The following R3HDM2 variants were observed in gnomAD, a reference collection of about 807,000 sequenced individuals.
R3HDM2 encodes R3H domain-containing protein 2.
R3HDM2 carries 38 observed loss-of-function variants against 124.5 expected under a neutral mutation model. The ratio of observed to expected loss-of-function variants is 0.31; its 90% confidence interval spans 0.24 to 0.40. The LOEUF (loss-of-function observed/expected upper bound fraction) is 0.40, where lower values mean the gene tolerates loss of function less well. Ranked by LOEUF, R3HDM2 falls within the 10% of genes least tolerant of loss-of-function variation. R3HDM2 has a pLI of 1.00. For synonymous variants in R3HDM2, 391 were observed against 448.0 expected (o/e 0.87, Z 1.61); for missense variants, 869 against 1,236.9 (o/e 0.70, Z 4.46).
At chr12:57,421,964 C>T (rs1235214993) in intron 1 of R3HDM2, among the ~76,000 whole-genome samples, 2 of 151,848 alleles carry the variant, frequency 1.3e-5, no homozygotes, top group African/African-American at 2.4e-5. Context: ...GGTGTGGTGG[C>T]GTGCACCTGT....
intron 1 of R3HDM2, among the ~76,000 whole-genome samples, chr12:57,411,374 G>A (rs745895247): frequency 3.3e-5 from 5 of 152,104 alleles, no homozygotes; most frequent in East Asian, 1.9e-4. Context: ...ATGTTCACCA[G>A]GCTGGTCTCA....
At chr12:57,365,805 A>G (rs1384945076) in intron 2 of R3HDM2, among the ~76,000 whole-genome samples, 1 of 151,886 alleles carries the variant, frequency 6.6e-6, no homozygotes, top group Non-Finnish European at 1.5e-5. Context: ...GCGTGGTGGT[A>G]GGTGCCTGTA....
At chr12:57,419,871 T>C (rs1172378730) in intron 1 of R3HDM2, among the ~76,000 whole-genome samples, 1 of 151,950 alleles carries the variant, frequency 6.6e-6, no homozygotes, top group Non-Finnish European at 1.5e-5. Context: ...TCAGCAGCTA[T>C]CTCTCCCACT....
chr12:57,365,146 C>A (rs2062472873), intron 2 of R3HDM2, among the ~76,000 whole-genome samples: 2 of 150,130 alleles, frequency 1.3e-5, no homozygotes. Context: ...TGCCTGTAAT[C>A]CCAGCTACTA....
At chr12:57,380,916 T>G (rs1005008466) in intron 2 of R3HDM2, among the ~76,000 whole-genome samples, 1 of 152,096 alleles carries the variant, frequency 6.6e-6, no homozygotes, top group Non-Finnish European at 1.5e-5. Context: ...GCTCAAGGAA[T>G]TGGAGAGGTG....
rs114798234 is a variant in R3HDM2, at chr12:57,414,699, G to A, written c.-106+16021C>T. Reference sequence around the variant, plus strand: ...AAAAATACAAAAATTAGCTGGGCATGGCAAGTGCCTTGAATCCCAGCTACT... The same window carrying A: ...AAAAATACAAAAATTAGCTGGGCATAGCAAGTGCCTTGAATCCCAGCTACT... On this transcript the variant is annotated intron_variant, in intron 1 of 23. Transcript: ENST00000402412. 4.8e-3 allele frequency among the ~76,000 whole-genome samples: 728 copies of A among 151,778 alleles called. 3 individuals are homozygous for A. The highest frequency in any genetic ancestry group is 0.016 in the African/African-American group (644 of 41,400).
At chr12:57,325,498 C>T (rs915731577) in intron 2 of R3HDM2, among the ~76,000 whole-genome samples, 1 of 152,160 alleles carries the variant, frequency 6.6e-6, no homozygotes, top group African/African-American at 2.4e-5. Flanking sequence ...AAACCATAGA[C>T]ATAGAAACCT....
At chr12:57,417,806 A>G (rs2069794606) in intron 1 of R3HDM2, among the ~76,000 whole-genome samples, 7 of 152,134 alleles carry the variant, frequency 4.6e-5, no homozygotes, top group South Asian at 4.1e-4. Context: ...CTTCCTCAAA[A>G]TATTACTGGG....
In R3HDM2 at chr12:57,254,467, C is replaced by G; in HGVS notation, c.*306G>C. On this transcript the variant is annotated 3_prime_UTR_variant, in exon 24 of 24. Transcript: ENST00000402412. ...AGTTAGCCAAGATCGTGCTACTGCACTCCAGCTGGGGTGACAAGAGCGAAA... is the reference window on the plus strand; with the variant it reads ...AGTTAGCCAAGATCGTGCTACTGCAGTCCAGCTGGGGTGACAAGAGCGAAA... 3.3e-6 allele frequency: 1 copy of G among 300,624 alleles called. No individual in the cohort carries two copies. The highest frequency in any genetic ancestry group is 6.0e-6 in the Non-Finnish European group (1 of 166,582). 18.6% of individuals were successfully genotyped at this position (300,624 alleles called of 1,614,324 possible). A position where few individuals can be genotyped will look rare whatever the true frequency, so the allele number is the denominator to read the frequency against.
Position 57,283,821 on chromosome 12 carries a change from T to A in R3HDM2, c.1171+3A>T. The stretch of plus-strand genomic sequence containing the variant: ...TGACATGGAAGAAAAGAAGCTGTAA[T>A]ACCTGGCCTGGAGATCCTTCCCGCA... On this transcript the variant is annotated splice_donor_region_variant and intron_variant, in intron 13 of 23. Transcript: ENST00000402412. 6.2e-7 allele frequency: 1 copy of A among 1,613,682 alleles called. No homozygotes were observed. Among genetic ancestry groups the A allele is most frequent in the South Asian group, 1.1e-5 (1 of 91,076 alleles).
chr12:57,296,542 G>A lies in R3HDM2; in HGVS notation c.570C>T (p.Phe190=). 6.4e-7 allele frequency: 1 copy of A among 1,551,560 alleles called. No homozygotes were observed. Among genetic ancestry groups the A allele is most frequent in the African/African-American group, 1.4e-5 (1 of 73,130 alleles). Residue 190 remains phenylalanine, a synonymous_variant, in exon 9 of 24, where the codon TTC becomes TTT. Coordinates refer to ENST00000402412, the MANE Select transcript of R3HDM2 (RefSeq NM_001394031.1). The surrounding 1 kb of genome is among the most constrained non-coding windows in gnomAD (Gnocchi z 4.5). ...ATGAGGTCATCTGAGGGAACTTCTT[G>A]AACTGATTACTGAAGGGAAACCCGG... ...LEFINDNNNQ[F]KKFPQMTSYH...
intron 1 of R3HDM2, among the ~76,000 whole-genome samples, chr12:57,416,800 T>A (rs1283840065): frequency 4.0e-5 from 6 of 150,812 alleles, no homozygotes; most frequent in African/African-American, 9.8e-5. Context: ...AGAGTGAGAC[T>A]CTGTCCCCCC....
At chr12:57,325,349 G>T (rs1458700710) in intron 2 of R3HDM2, among the ~76,000 whole-genome samples, 1 of 152,106 alleles carries the variant, frequency 6.6e-6, no homozygotes, top group Non-Finnish European at 1.5e-5. Flanking sequence ...TCACCACATT[G>T]GCTAGGCTGG....
intron 19 of R3HDM2, among the ~76,000 whole-genome samples, chr12:57,265,615 C>T (rs1405406368): frequency 6.6e-6 from 1 of 152,076 alleles, no homozygotes; most frequent in Non-Finnish European, 1.5e-5. Context: ...GCTGAGGCAA[C>T]CAATGTCATT....
intron 1 of R3HDM2, among the ~76,000 whole-genome samples, chr12:57,419,260 C>A (rs866845387): frequency 6.6e-6 from 1 of 151,476 alleles, no homozygotes; most frequent in Non-Finnish European, 1.5e-5. Context: ...TCTTGTGCCT[C>A]AGCCTCCCCA....
rs755154137 is a variant in R3HDM2, at chr12:57,256,082, A to G, written c.2548-8T>C. The G allele has an allele frequency of 5.6e-6, 9 of 1,611,068 alleles. No homozygotes were observed. The highest frequency in any genetic ancestry group is 7.6e-6 in the Non-Finnish European group (9 of 1,177,270). On this transcript the variant is annotated splice_region_variant and splice_polypyrimidine_tract_variant and intron_variant, in intron 22 of 23. Coordinates refer to ENST00000402412, the MANE Select transcript of R3HDM2 (RefSeq NM_001394031.1). ...CTTCAGTCCACTCTGTCCCTTCAAC[A>G]TTTGAAAGACGACTCTCATCCCATG... is the stretch of plus-strand genomic sequence containing the variant.
intron 2 of R3HDM2, among the ~76,000 whole-genome samples, chr12:57,360,006 A>ATAT (rs2061690333): frequency 7.6e-5 from 9 of 117,678 alleles, no homozygotes; most frequent in East Asian, 5.5e-4. Flanking sequence ...TAAATAAATA[A>ATAT]ATATATATAT....
chr12:57,344,154 C>T (rs1306653261), intron 2 of R3HDM2, among the ~76,000 whole-genome samples: 4 of 152,150 alleles, frequency 2.6e-5, no homozygotes, highest in Admixed American at 1.3e-4. Flanking sequence ...CAATTCAGTA[C>T]GTATCTCCTA....
At chr12:57,391,586 A>C (rs958957028) in intron 2 of R3HDM2, among the ~76,000 whole-genome samples, 1 of 152,232 alleles carries the variant, frequency 6.6e-6, no homozygotes, top group Admixed American at 6.5e-5. Flanking sequence ...ATACAAGTAC[A>C]TGTAAAACTG....
Sources: gnomAD v4.1 joint callset for allele counts (sites outside exome capture counted in the v4.1 genomes callset) on GRCh38, gnomAD v4.1.1 for gene constraint, Gnocchi (gnomAD v3.1) non-coding constraint, MANE v1.5 for transcripts, NCBI Gene and HGNC (gene_info 2026-07-23, HGNC 2026-07-21) for gene names.